The following TANC2 variants were observed in gnomAD, a reference collection of about 807,000 sequenced individuals.
The protein encoded by TANC2 is protein TANC2.
Under a neutral mutation model 210.5 loss-of-function variants are expected in TANC2, and 26 were observed. That is an observed-to-expected ratio of 0.12 (90% CI 0.09 to 0.17). The LOEUF (loss-of-function observed/expected upper bound fraction) is 0.17, where lower values mean the gene tolerates loss of function less well. TANC2 is among the 10% of genes least tolerant of loss of function. TANC2 has a pLI of 1.00. For synonymous variants in TANC2, 931 were observed against 967.1 expected (o/e 0.96, Z 0.69); for missense variants, 2,129 against 2,608.9 (o/e 0.82, Z 4.01).
At chr17:63,253,163 T>A (rs541444738) in intron 8 of TANC2, among the ~76,000 whole-genome samples, 2 of 152,216 alleles carry the variant, frequency 1.3e-5, no homozygotes, top group Non-Finnish European at 2.9e-5. Context: ...TTTGATAATA[T>A]CTCGCTGAAG....
At chr17:63,390,698 CAA>C (rs2047941725) in intron 17 of TANC2, 2 of 152,074 alleles carry the variant, frequency 1.3e-5, no homozygotes, top group Admixed American at 6.6e-5. Context: ...CTCGTTGGAT[CAA>C]GAGATCCTCC....
At chr17:63,337,850 A>G (rs1461687434) in intron 11 of TANC2, among the ~76,000 whole-genome samples, 1 of 152,086 alleles carries the variant, frequency 6.6e-6, no homozygotes, top group Non-Finnish European at 1.5e-5. Context: ...GCTCTCACTT[A>G]TAAGTGAGAA....
intron 12 of TANC2, 22 bp downstream of exon 12, chr17:63,340,354 G>C: frequency 6.2e-7 from 1 of 1,600,240 alleles, no homozygotes; most frequent in African/African-American, 1.3e-5. Flanking sequence ...GCCCAAAGGA[G>C]GGGAAAGATG....
intron 2 of TANC2, among the ~76,000 whole-genome samples, chr17:63,039,080 G>C (rs775845414): frequency 1.3e-5 from 2 of 152,114 alleles, no homozygotes; most frequent in Non-Finnish European, 2.9e-5. Flanking sequence ...ATTTGTTGAT[G>C]AAAGGTATGG....
At chr17:63,206,219 G>A (rs1305745776) in intron 7 of TANC2, among the ~76,000 whole-genome samples, 4 of 152,198 alleles carry the variant, frequency 2.6e-5, no homozygotes, top group South Asian at 2.1e-4. Flanking sequence ...TGGCAAGGAC[G>A]TGGAGAAATT....
chr17:63,191,665 G>A (rs568690326), intron 5 of TANC2, among the ~76,000 whole-genome samples: 11 of 152,054 alleles, frequency 7.2e-5, no homozygotes, highest in South Asian at 2.1e-4. Context: ...GTTTCACCAC[G>A]TTGCCCAGGC....
chr17:63,123,999 C>T (rs1168986052), intron 4 of TANC2, among the ~76,000 whole-genome samples: 3 of 152,048 alleles, frequency 2.0e-5, no homozygotes, highest in African/African-American at 7.3e-5. Context: ...CAGCGCCCGG[C>T]CATAAGGTCT....
intron 13 of TANC2, among the ~76,000 whole-genome samples, chr17:63,351,701 G>T (rs1362570534): frequency 6.6e-6 from 1 of 152,130 alleles, no homozygotes; most frequent in Non-Finnish European, 1.5e-5. Flanking sequence ...TCTGAGGACA[G>T]CAGTGTAAAG....
chr17:63,229,117 A>G (rs111697415), intron 7 of TANC2, among the ~76,000 whole-genome samples: 3,202 of 152,270 alleles, frequency 0.021, 105 homozygotes, highest in African/African-American at 0.072. Context: ...TAGCTAGTTT[A>G]TCGAGAGTTT....
At chr17:63,349,127 AT>A (rs1320597070) in intron 12 of TANC2, among the ~76,000 whole-genome samples, 1 of 152,164 alleles carries the variant, frequency 6.6e-6, no homozygotes, top group African/African-American at 2.4e-5. Flanking sequence ...TCAAAAAAAA[AT>A]AATAATCAGA....
At chr17:63,186,587 A>G (rs749226400) in intron 5 of TANC2, among the ~76,000 whole-genome samples, 5 of 151,938 alleles carry the variant, frequency 3.3e-5, no homozygotes, top group Non-Finnish European at 5.9e-5. Context: ...TCCTGACCTC[A>G]GGTGATCCAC....
rs201315770 is a variant in TANC2, at chr17:63,237,927, A to G, written c.883A>G (p.Met295Val). Reference sequence around the variant, plus strand: ...ACCTTGGCAGTCTCAAAAATCCAGCATGGACTCCTGTTTGTATCGAGTAGA... The same window carrying G: ...ACCTTGGCAGTCTCAAAAATCCAGCGTGGACTCCTGTTTGTATCGAGTAGA... Residue 295 changes from methionine (M) to valine (V), a missense_variant, in exon 8 of 28, where the codon ATG (methionine) becomes GTG (valine). This residue lies in a region of TANC2 where 739 missense variants were observed against 848.0 expected (regional missense o/e 0.87). Transcript: ENST00000689528. 378 of 1,586,394 alleles carry G rather than the reference A, an allele frequency of 2.4e-4. 2 individuals are homozygous for G. In the East Asian group the frequency reaches 5.6e-3, roughly 24 times the overall value.
intron 2 of TANC2, among the ~76,000 whole-genome samples, chr17:63,056,174 TAAAA>T (rs79110107): frequency 1.7e-5 from 2 of 118,856 alleles, no homozygotes; most frequent in Non-Finnish European, 1.8e-5. Context: ...GACTCTGTGT[TAAAA>T]AAAAAAAAAA....
At chr17:63,192,861 T>C (rs1408502341) in intron 5 of TANC2, among the ~76,000 whole-genome samples, 2 of 152,224 alleles carry the variant, frequency 1.3e-5, no homozygotes, top group African/African-American at 2.4e-5. Context: ...TTATAAACTT[T>C]TCAAAGTCAA....
chr17:63,355,422 A>C (rs771116903), intron 14 of TANC2, 32 bp downstream of exon 14: 2 of 1,502,378 alleles, frequency 1.3e-6, no homozygotes, highest in Non-Finnish European at 1.8e-6. Context: ...AACAATTCTG[A>C]GTCTGTTTTC....
intron 1 of TANC2, 129 bp from the exon 2 acceptor site, chr17:63,009,408 T>C: frequency 1.7e-6 from 1 of 578,066 alleles, no homozygotes; most frequent in Non-Finnish European, 3.0e-6. Flanking sequence ...CATTTATTTA[T>C]TGAGTGGCAA....
At chr17:63,168,419 A>G (rs1419676724) in intron 5 of TANC2, among the ~76,000 whole-genome samples, 8 of 152,154 alleles carry the variant, frequency 5.3e-5, no homozygotes, top group Admixed American at 1.3e-4. Flanking sequence ...TTTTCTACCT[A>G]CCTGCAAGGG....
intron 9 of TANC2, among the ~76,000 whole-genome samples, chr17:63,268,712 A>G (rs184552115): frequency 3.3e-5 from 5 of 152,146 alleles, no homozygotes; most frequent in Non-Finnish European, 5.9e-5. Flanking sequence ...TACACAACCT[A>G]TCCTTTTCTC....
At chr17:63,348,019 C>T (rs1040769712) in intron 12 of TANC2, among the ~76,000 whole-genome samples, 1 of 152,204 alleles carries the variant, frequency 6.6e-6, no homozygotes, top group Non-Finnish European at 1.5e-5. Flanking sequence ...CCTCCCACCT[C>T]AGCCTCCCAA....
Sources: gnomAD v4.1 joint callset for allele counts (sites outside exome capture counted in the v4.1 genomes callset) on GRCh38, gnomAD v4.1.1 for gene constraint, gnomAD v4.1.1 regional missense constraint, MANE v1.5 for transcripts, NCBI Gene and HGNC (gene_info 2026-07-23, HGNC 2026-07-21) for gene names.